Variants in MMP16 observed in about 807,000 individuals in gnomAD.
MMP16 encodes matrix metalloproteinase-16.
Under a neutral mutation model 67.8 loss-of-function variants are expected in MMP16, and 12 were observed. That is an observed-to-expected ratio of 0.18 (90% CI 0.11 to 0.29). The LOEUF (loss-of-function observed/expected upper bound fraction) is 0.29. MMP16 is among the 10% of genes least tolerant of loss of function. MMP16 has a pLI of 1.00. For missense variants in MMP16, 475 were observed against 765.7 expected (o/e 0.62, Z 4.48); for synonymous variants, 249 against 255.9 (o/e 0.97, Z 0.26).
chr8:88,280,822 G>T (rs759281115), intron 1 of MMP16, among the ~76,000 whole-genome samples: 4 of 152,100 alleles, frequency 2.6e-5, no homozygotes, highest in African/African-American at 4.8e-5. Context: ...GAGTTTCAGA[G>T]TGCAGGGAGC....
At chr8:88,161,918 G>A (rs1466559447) in intron 4 of MMP16, among the ~76,000 whole-genome samples, 1 of 152,060 alleles carries the variant, frequency 6.6e-6, no homozygotes, top group African/African-American at 2.4e-5. Context: ...TGGTCTGAGA[G>A]ACAGTTTGTT....
intron 2 of MMP16, among the ~76,000 whole-genome samples, chr8:88,188,509 G>T (rs1809114614): frequency 6.6e-6 from 1 of 152,136 alleles, no homozygotes; most frequent in Non-Finnish European, 1.5e-5. Flanking sequence ...ACTATTATCA[G>T]AATAAAATGT....
intron 6 of MMP16, among the ~76,000 whole-genome samples, chr8:88,088,157 T>C: frequency 6.9e-6 from 1 of 144,736 alleles, no homozygotes; most frequent in Non-Finnish European, 1.5e-5. Flanking sequence ...CCCCAGTGAG[T>C]GTTCAGCTGA....
intron 6 of MMP16, among the ~76,000 whole-genome samples, chr8:88,084,760 T>TA (rs965775445): frequency 6.6e-6 from 1 of 151,914 alleles, no homozygotes; most frequent in Admixed American, 6.6e-5. Context: ...AGTAAAAAGT[T>TA]AAAAAAATAC....
chr8:88,083,512 A>G (rs567493537), intron 6 of MMP16, among the ~76,000 whole-genome samples: 55 of 152,236 alleles, frequency 3.6e-4, no homozygotes, highest in African/African-American at 1.3e-3. Flanking sequence ...TCAAAAGGAA[A>G]AATGGCTGCA....
At chr8:88,133,808 A>G (rs1247442717) in intron 4 of MMP16, among the ~76,000 whole-genome samples, 3 of 151,834 alleles carry the variant, frequency 2.0e-5, no homozygotes, top group Non-Finnish European at 4.4e-5. Flanking sequence ...TCGCATTATA[A>G]CTATCATATC....
chr8:88,203,781 T>C (rs1809381691), intron 1 of MMP16, among the ~76,000 whole-genome samples: 1 of 152,234 alleles, frequency 6.6e-6, no homozygotes, highest in South Asian at 2.1e-4. Context: ...TACTTATAAG[T>C]TGTCAAACTT....
At chr8:88,149,501 C>T (rs565629341) in intron 4 of MMP16, among the ~76,000 whole-genome samples, 13 of 152,294 alleles carry the variant, frequency 8.5e-5, no homozygotes, top group South Asian at 2.1e-4. Flanking sequence ...TCCCAGCACG[C>T]GGCTGGAGAT....
chr8:88,192,781 T>C (rs1809190768), intron 2 of MMP16, among the ~76,000 whole-genome samples: 1 of 152,228 alleles, frequency 6.6e-6, no homozygotes, highest in Non-Finnish European at 1.5e-5. Flanking sequence ...TATAGTTTCA[T>C]TGAAATGACT....
chr8:88,275,796 T>C (rs1585993854), intron 1 of MMP16, among the ~76,000 whole-genome samples: 1 of 151,892 alleles, frequency 6.6e-6, no homozygotes, highest in Non-Finnish European at 1.5e-5. Context: ...AGAACACTGC[T>C]TACCTACATT....
At chr8:88,282,696 T>C (rs1810760270) in intron 1 of MMP16, among the ~76,000 whole-genome samples, 1 of 152,146 alleles carries the variant, frequency 6.6e-6, no homozygotes, top group East Asian at 1.9e-4. Flanking sequence ...ATTAAGGAGG[T>C]AGCTATATTA....
chr8:88,297,660 T>C (rs1811033879), intron 1 of MMP16, among the ~76,000 whole-genome samples: 1 of 152,200 alleles, frequency 6.6e-6, no homozygotes, highest in Non-Finnish European at 1.5e-5. Context: ...TGTGCAGTAG[T>C]ATCACAAGTG....
In MMP16 at chr8:88,200,758, A is replaced by C. The variant is rs187189927; in HGVS notation, c.133-3452T>G. On this transcript the variant is annotated intron_variant, in intron 1 of 9. Coordinates refer to ENST00000286614, the MANE Select transcript of MMP16 (RefSeq NM_005941.5). Reference sequence around the variant, plus strand: ...AAAATGACTTTGTCACTAATATTTCATGTGCCCATACTGTGAAAACCTATG... The same window carrying C: ...AAAATGACTTTGTCACTAATATTTCCTGTGCCCATACTGTGAAAACCTATG... Among the ~76,000 whole-genome samples, 3 of 152,072 alleles carry C rather than the reference A, an allele frequency of 2.0e-5. No individual in the cohort carries two copies. In the East Asian group the frequency reaches 5.8e-4, roughly 29 times the overall value.
intron 6 of MMP16, among the ~76,000 whole-genome samples, chr8:88,099,580 A>C (rs1007318493): frequency 4.0e-5 from 6 of 151,762 alleles, no homozygotes; most frequent in African/African-American, 1.4e-4. Context: ...TTTGACTAGA[A>C]ATTTATAGTC....
intron 6 of MMP16, among the ~76,000 whole-genome samples, chr8:88,085,886 A>ATATATCTATATAATAGATATCTGCT (rs1563527298): frequency 6.6e-6 from 1 of 151,894 alleles, no homozygotes; most frequent in African/African-American, 2.4e-5. Context: ...AACACTGAAG[A>ATATATCTATATAATAGATATCTGCT]GTTTAGTGAT....
chr8:88,314,635 C>T (rs1811349490), intron 1 of MMP16, among the ~76,000 whole-genome samples: 1 of 152,166 alleles, frequency 6.6e-6, no homozygotes, highest in Admixed American at 6.5e-5. Context: ...AGCACTCTCC[C>T]CTTTGCCCTA....
chr8:88,255,286 C>A (rs1249676445), intron 1 of MMP16, among the ~76,000 whole-genome samples: 1 of 152,168 alleles, frequency 6.6e-6, no homozygotes, highest in Non-Finnish European at 1.5e-5. Flanking sequence ...CCATGTAATA[C>A]ACCAGATCCC....
intron 1 of MMP16, among the ~76,000 whole-genome samples, chr8:88,274,757 T>C (rs1341788402): frequency 1.3e-5 from 2 of 152,026 alleles, no homozygotes; most frequent in African/African-American, 4.8e-5. Context: ...TTAATATTTG[T>C]TATAACTCAA....
chr8:88,098,167 C>A (rs1174001160), intron 6 of MMP16, among the ~76,000 whole-genome samples: 1 of 151,952 alleles, frequency 6.6e-6, no homozygotes, highest in Non-Finnish European at 1.5e-5. Context: ...GATAAAATAT[C>A]AGCAAAAGGG....
Sources: gnomAD v4.1 joint callset for allele counts (sites outside exome capture counted in the v4.1 genomes callset) on GRCh38, gnomAD v4.1.1 for gene constraint, MANE v1.5 for transcripts, NCBI Gene and HGNC (gene_info 2026-07-23, HGNC 2026-07-21) for gene names.